Variants in EXOC6B observed in about 807,000 individuals in gnomAD.
The protein encoded by EXOC6B is SEC15 homolog B.
A neutral mutation model predicts 113.5 loss-of-function variants in EXOC6B; 54 were observed. The ratio of observed to expected loss-of-function variants is 0.48; its 90% CI spans 0.38 to 0.60. The LOEUF (loss-of-function observed/expected upper bound fraction) is 0.60, where lower values mean the gene tolerates loss of function less well. Ranked by LOEUF, EXOC6B falls within the 20% of genes least tolerant of loss-of-function variation. The pLI, the probability that EXOC6B is intolerant of heterozygous loss-of-function variation, is 0.00. For missense variants in EXOC6B, 797 were observed against 977.5 expected, an observed-to-expected ratio of 0.82 and a Z score of 2.46; for synonymous variants, 357 against 339.0, an observed-to-expected ratio of 1.05 and a Z score of -0.58.
At chr2:72,710,034 A>G (rs1212732234) in intron 6 of EXOC6B, among the ~76,000 whole-genome samples, 1 of 152,146 alleles carries the variant, frequency 6.6e-6, no homozygotes, top group South Asian at 2.1e-4. Context: ...AAGAAAATGG[A>G]GTTGTGAACA....
chr2:72,395,591 T>C (rs1361123227), intron 18 of EXOC6B, among the ~76,000 whole-genome samples: 2 of 152,118 alleles, frequency 1.3e-5, no homozygotes, highest in African/African-American at 2.4e-5. Flanking sequence ...TATGGGAGAA[T>C]GGTGCATGAA....
intron 20 of EXOC6B, among the ~76,000 whole-genome samples, chr2:72,314,004 A>G (rs369640606): frequency 6.6e-6 from 1 of 152,170 alleles, no homozygotes. Context: ...GAGAAAGGGG[A>G]TGAAAGAAAA....
chr2:72,363,823 G>A (rs754676959), intron 19 of EXOC6B, among the ~76,000 whole-genome samples: 2 of 152,016 alleles, frequency 1.3e-5, no homozygotes, highest in African/African-American at 2.4e-5. Context: ...AAGTAAGTGG[G>A]AACCTGAATC....
intron 6 of EXOC6B, among the ~76,000 whole-genome samples, chr2:72,687,945 T>G (rs979738690): frequency 1.3e-5 from 2 of 152,054 alleles, no homozygotes; most frequent in Non-Finnish European, 2.9e-5. Flanking sequence ...ACAGACATCT[T>G]AAAATGCTGG....
chr2:72,350,645 A>G (rs1456174646), intron 19 of EXOC6B, among the ~76,000 whole-genome samples: 2 of 152,228 alleles, frequency 1.3e-5, no homozygotes, highest in Non-Finnish European at 2.9e-5. Flanking sequence ...TGAGACCTTA[A>G]GCTGGTAGTT....
In EXOC6B at chr2:72,824,005, T is replaced by C. The variant is rs115449230; in HGVS notation, c.113+1793A>G. ...ATGGGAATTGAGAAAAGCACAATGG[T>C]CCTGATCATAAGGCAATGGGGGTTG... On this transcript the variant is annotated intron_variant, in intron 1 of 21. Transcript: ENST00000272427. Among the ~76,000 whole-genome samples the C allele has an allele frequency of 5.5e-3, 843 of 152,192 alleles. 6 individuals are homozygous for C. Among genetic ancestry groups the C allele is most frequent in the African/African-American group, 0.02 (815 of 41,522 alleles).
intron 15 of EXOC6B, among the ~76,000 whole-genome samples, chr2:72,494,098 T>C (rs946275097): frequency 6.6e-6 from 1 of 152,116 alleles, no homozygotes; most frequent in African/African-American, 2.4e-5. Flanking sequence ...AAATATTAAA[T>C]GTGAAAAGTA....
chr2:72,782,439 A>G (rs531562665), intron 1 of EXOC6B, among the ~76,000 whole-genome samples: 192 of 152,174 alleles, frequency 1.3e-3, no homozygotes, highest in Non-Finnish European at 1.5e-3. Context: ...AAAATGTGTG[A>G]TATTTTGTTA....
intron 18 of EXOC6B, among the ~76,000 whole-genome samples, chr2:72,387,236 A>C (rs1394795223): frequency 6.6e-6 from 1 of 152,150 alleles, no homozygotes; most frequent in African/African-American, 2.4e-5. Context: ...ATTTCATTTG[A>C]TACTATTGTG....
intron 6 of EXOC6B, among the ~76,000 whole-genome samples, chr2:72,666,824 A>ACAG (rs376270262): frequency 6.7e-5 from 9 of 135,244 alleles, no homozygotes; most frequent in East Asian, 4.3e-4. Context: ...CACACACACA[A>ACAG]AGAAATGCCT....
At chr2:72,386,050 C>G (rs946950484) in intron 18 of EXOC6B, among the ~76,000 whole-genome samples, 1 of 151,948 alleles carries the variant, frequency 6.6e-6, no homozygotes, top group Admixed American at 6.6e-5. Flanking sequence ...GTCAAAAAGA[C>G]ACCTGCACTG....
At chr2:72,570,645 C>A (rs1294433486) in intron 7 of EXOC6B, among the ~76,000 whole-genome samples, 2 of 152,248 alleles carry the variant, frequency 1.3e-5, no homozygotes, top group East Asian at 3.9e-4. Context: ...AAGAGAGGTA[C>A]ACACTAGAAT....
rs1054059514 is a variant in EXOC6B, at chr2:72,498,613, T to C, written c.1240-62A>G. The C allele has an allele frequency of 2.6e-6, 3 of 1,158,350 alleles. No individual in the cohort carries two copies. In the African/African-American group the frequency reaches 4.7e-5, roughly 18 times the overall value. 71.8% of individuals were successfully genotyped at this position (1,158,350 alleles called of 1,614,324 possible). Reference sequence around the variant, plus strand: ...GAAGGAGTTTTTTTTTCGGTTTTTTTTTTTTTTGGCAAAATGAGAGGGATA... The same window carrying C: ...GAAGGAGTTTTTTTTTCGGTTTTTTCTTTTTTTGGCAAAATGAGAGGGATA... On this transcript the variant is annotated intron_variant, in intron 12 of 21. Transcript: ENST00000272427.
chr2:72,660,950 A>C (rs543159384), intron 6 of EXOC6B, among the ~76,000 whole-genome samples: 1 of 152,190 alleles, frequency 6.6e-6, no homozygotes, highest in African/African-American at 2.4e-5. Context: ...CACCTAATGC[A>C]CAGAGAAAAT....
At chr2:72,478,773 G>C (rs1480088423) in intron 17 of EXOC6B, among the ~76,000 whole-genome samples, 1 of 152,226 alleles carries the variant, frequency 6.6e-6, no homozygotes, top group South Asian at 2.1e-4. Context: ...GAGAGAAAGA[G>C]TATCAGTGGA....
At chr2:72,523,878 G>T (rs1204995941) in intron 8 of EXOC6B, among the ~76,000 whole-genome samples, 1 of 151,844 alleles carries the variant, frequency 6.6e-6, no homozygotes, top group Non-Finnish European at 1.5e-5. Context: ...TTGGTATGGG[G>T]TCTATTGGAG....
intron 6 of EXOC6B, among the ~76,000 whole-genome samples, chr2:72,585,311 A>T (rs1573440844): frequency 6.6e-6 from 1 of 152,146 alleles, no homozygotes; most frequent in African/African-American, 2.4e-5. Flanking sequence ...AGAAATGACA[A>T]AGATGGCCAG....
At chr2:72,588,818 G>A (rs1298244033) in intron 6 of EXOC6B, among the ~76,000 whole-genome samples, 1 of 151,864 alleles carries the variant, frequency 6.6e-6, no homozygotes. Flanking sequence ...TTTAATGATG[G>A]ACACATAGAG....
intron 19 of EXOC6B, among the ~76,000 whole-genome samples, chr2:72,350,959 G>C (rs1174658549): frequency 6.6e-6 from 1 of 152,128 alleles, no homozygotes; most frequent in Admixed American, 6.5e-5. Context: ...CCTCACAAAT[G>C]CTTTTGTAGG....
Sources: gnomAD v4.1 joint callset for allele counts (sites outside exome capture counted in the v4.1 genomes callset) on GRCh38, gnomAD v4.1.1 for gene constraint, MANE v1.5 for transcripts, NCBI Gene and HGNC (gene_info 2026-07-23, HGNC 2026-07-21) for gene names.